APLF: variants seen among roughly 807,000 people sequenced by gnomAD.
APLF encodes the protein aprataxin and PNKP like factor.
APLF carries 61 observed loss-of-function variants against 55.6 expected under a neutral mutation model. The ratio of observed to expected loss-of-function variants is 1.10; its 90% confidence interval spans 0.89 to 1.36. The LOEUF is 1.36. APLF is among the 40% of genes most tolerant of loss of function. The pLI is 0.00. For missense variants in APLF, 611 were observed against 602.5 expected, an observed-to-expected ratio of 1.01 and a Z score of -0.15; for synonymous variants, 207 against 214.8, an observed-to-expected ratio of 0.96 and a Z score of 0.32.
chr2:68,575,491 T>C (rs1671596011), intron 9 of APLF, among the ~76,000 whole-genome samples: 1 of 152,050 alleles, frequency 6.6e-6, no homozygotes, highest in South Asian at 2.1e-4. Flanking sequence ...CTTTTTTTTG[T>C]GAAGAATAGA....
intron 1 of APLF, among the ~76,000 whole-genome samples, chr2:68,472,968 A>G (rs1675666779): frequency 6.6e-6 from 1 of 152,168 alleles, no homozygotes; most frequent in Non-Finnish European, 1.5e-5. Context: ...GACTATCAAC[A>G]TTCTACACAG....
intron 1 of APLF, among the ~76,000 whole-genome samples, chr2:68,474,077 G>A (rs1200014709): frequency 2.6e-5 from 4 of 152,172 alleles, no homozygotes; most frequent in Non-Finnish European, 5.9e-5. Context: ...CCTAGAACTG[G>A]TTTGTTATAA....
intron 1 of APLF, 81 bp downstream of exon 1, chr2:68,467,908 C>A: frequency 9.1e-7 from 1 of 1,094,974 alleles, no homozygotes; most frequent in Non-Finnish European, 1.2e-6. Context: ...CTAGTCCTGG[C>A]CGGTTTCCCC....
At chr2:68,556,588 AC>A (rs1053700093) in intron 8 of APLF, among the ~76,000 whole-genome samples, 47 of 152,290 alleles carry the variant, frequency 3.1e-4, no homozygotes, top group African/African-American at 1.0e-3. Context: ...TCCTGTTCTT[AC>A]TTGTTGAATT....
chr2:68,505,240 T>C (rs904762120), intron 3 of APLF, among the ~76,000 whole-genome samples: 9 of 152,090 alleles, frequency 5.9e-5, no homozygotes, highest in Admixed American at 2.0e-4. Flanking sequence ...AAAGAACTGA[T>C]TTTTTTGTTA....
chr2:68,538,163 C>T lies in APLF; in HGVS notation c.1096C>T (p.Leu366=), dbSNP rs928228366. The T allele has an allele frequency of 2.5e-6, 4 of 1,613,864 alleles. No homozygotes were observed. The Admixed American group carries it at 5.0e-5, about 20-fold the overall frequency. The change falls in exon 7 of 10, where the codon CTA becomes TTA. Residue 366 remains leucine, a synonymous_variant. Transcript: ENST00000303795. Reference sequence around the variant, plus strand: ...GCATGCAAAGGCAACTGATTCAGTTCTACAAGGTTCTGAAGGAAACAAGGT... The same window carrying T: ...GCATGCAAAGGCAACTGATTCAGTTTTACAAGGTTCTGAAGGAAACAAGGT... ...TLHAKATDSV[L]QGSEGNKVKR...
At chr2:68,490,053 A>G in intron 1 of APLF, 137 bp from the exon 2 acceptor site, 2 of 504,078 alleles carry the variant, frequency 4.0e-6, no homozygotes, top group Non-Finnish European at 3.4e-6. Flanking sequence ...TTCAATATAC[A>G]GTTGTTGAAT....
chr2:68,577,965 G>A lies in APLF; in HGVS notation c.1479G>A (p.Glu493=), dbSNP rs1215190061. 2 of 1,613,590 alleles carry A rather than the reference G, an allele frequency of 1.2e-6. No individual in the cohort carries two copies. The highest frequency in any genetic ancestry group is 2.2e-5 in the East Asian group (1 of 44,816). ...GGGAACCAGGAAAGGAAGATGAAGA[G>A]AAGGAAGATGTGGAAGAGCTTTTGA... is the stretch of plus-strand genomic sequence containing the variant. The part of the protein sequence containing the change: ...SDWEPGKEDE[E]KEDVEELLKE... The change falls in exon 10 of 10, where the codon GAG becomes GAA. Residue 493 remains glutamate (E), a synonymous_variant. Transcript: ENST00000303795.
At chr2:68,565,410 A>G (rs1252850346) in intron 8 of APLF, among the ~76,000 whole-genome samples, 5 of 151,980 alleles carry the variant, frequency 3.3e-5, no homozygotes, top group East Asian at 1.9e-4. Flanking sequence ...GAAGTGAGCT[A>G]TGATTGTGCC....
intron 9 of APLF, among the ~76,000 whole-genome samples, chr2:68,570,226 C>T (rs922023495): frequency 6.6e-6 from 1 of 150,978 alleles, no homozygotes; most frequent in Non-Finnish European, 1.5e-5. Context: ...AATTTTTGCA[C>T]AAGTTATTGA....
At chr2:68,499,365 T>C (rs1023544432) in intron 2 of APLF, among the ~76,000 whole-genome samples, 1 of 152,232 alleles carries the variant, frequency 6.6e-6, no homozygotes, top group African/African-American at 2.4e-5. Flanking sequence ...AAGTTAAACT[T>C]GTCTCATTGA....
chr2:68,523,142 A>G (rs1669940118), intron 5 of APLF, among the ~76,000 whole-genome samples: 1 of 152,036 alleles, frequency 6.6e-6, no homozygotes, highest in South Asian at 2.1e-4. Flanking sequence ...TAGTAACAAA[A>G]AAGATAAAAC....
intron 9 of APLF, among the ~76,000 whole-genome samples, chr2:68,576,082 CTG>C (rs548442403): frequency 1.3e-5 from 2 of 152,048 alleles, no homozygotes; most frequent in Non-Finnish European, 2.9e-5. Flanking sequence ...ACCTTTATAT[CTG>C]TTTTTCTTGT....
At chr2:68,468,252 C>T (rs1675495270) in intron 1 of APLF, among the ~76,000 whole-genome samples, 1 of 152,100 alleles carries the variant, frequency 6.6e-6, no homozygotes, top group African/African-American at 2.4e-5. Flanking sequence ...AGTGTCTGGT[C>T]CTTTACAGAA....
chr2:68,509,386 C>G (rs755087445), intron 3 of APLF, among the ~76,000 whole-genome samples: 10 of 151,546 alleles, frequency 6.6e-5, no homozygotes, highest in Non-Finnish European at 1.0e-4. Flanking sequence ...AAAAAAACAA[C>G]CCCATCAAAA....
chr2:68,570,640 T>C (rs1413716330), intron 9 of APLF, among the ~76,000 whole-genome samples: 1 of 152,212 alleles, frequency 6.6e-6, no homozygotes, highest in Non-Finnish European at 1.5e-5. Context: ...TTTTTATGGC[T>C]GCATAGTATT....
intron 8 of APLF, among the ~76,000 whole-genome samples, chr2:68,545,811 A>G (rs754766329): frequency 6.6e-6 from 1 of 152,092 alleles, no homozygotes; most frequent in Non-Finnish European, 1.5e-5. Flanking sequence ...ATCTCATGAG[A>G]TTATGTTTGT....
intron 1 of APLF, among the ~76,000 whole-genome samples, chr2:68,486,361 C>G (rs1016639363): frequency 3.3e-5 from 5 of 152,132 alleles, no homozygotes; most frequent in African/African-American, 9.7e-5. Flanking sequence ...TCTGAGCTTG[C>G]TATACCTGGT....
In APLF at chr2:68,500,629, T is replaced by C. The variant is rs184161508; in HGVS notation, c.169-2102T>C. Reference sequence around the variant, plus strand: ...AAAATGCTCATGAATGAGAAGAACATGGTCTTAGCCTATAATCAGAAGCAA... The same window carrying C: ...AAAATGCTCATGAATGAGAAGAACACGGTCTTAGCCTATAATCAGAAGCAA... On this transcript the variant is annotated intron_variant, in intron 2 of 9. Coordinates refer to ENST00000303795, the MANE Select transcript of APLF (RefSeq NM_173545.3). Among the ~76,000 whole-genome samples the C allele has an allele frequency of 4.1e-3, 628 of 152,346 alleles. 1 individual carries two copies. The highest frequency in any genetic ancestry group is 7.4e-3 in the Non-Finnish European group (506 of 68,030).
Sources: gnomAD v4.1 joint callset for allele counts (sites outside exome capture counted in the v4.1 genomes callset) on GRCh38, gnomAD v4.1.1 for gene constraint, MANE v1.5 for transcripts, NCBI Gene and HGNC (gene_info 2026-07-23, HGNC 2026-07-21) for gene names.